Variants in ZMYM2 observed in about 807,000 individuals in gnomAD.
The protein encoded by ZMYM2 is zinc finger MYM-type protein 2.
Under a neutral mutation model 162.8 loss-of-function variants are expected in ZMYM2, and 56 were observed. The ratio of observed to expected loss-of-function variants is 0.34; its 90% confidence interval spans 0.28 to 0.43. The LOEUF (loss-of-function observed/expected upper bound fraction) is 0.43, where lower values mean the gene tolerates loss of function less well. Ranked by LOEUF, ZMYM2 falls within the 20% of genes least tolerant of loss-of-function variation. The pLI, the probability that ZMYM2 is intolerant of heterozygous loss-of-function variation, is 1.00. For missense variants in ZMYM2, 1,275 were observed against 1,621.8 expected, an observed-to-expected ratio of 0.79 and a Z score of 3.67; for synonymous variants, 510 against 541.6, an observed-to-expected ratio of 0.94 and a Z score of 0.81.
chr13:19,954,484 G>A (rs1218471679), upstream of ZMYM2, among the ~76,000 whole-genome samples: 1 of 152,088 alleles, frequency 6.6e-6, no homozygotes, highest in African/African-American at 2.4e-5. Flanking sequence ...GCTATCTAGA[G>A]AGGCTGTATA....
intron 3 of ZMYM2, among the ~76,000 whole-genome samples, chr13:19,998,673 G>C (rs553264977): frequency 1.3e-5 from 2 of 152,218 alleles, no homozygotes; most frequent in African/African-American, 4.8e-5. Context: ...AATAAGTTTG[G>C]TGTGTTCTTG....
chr13:19,874,771 C>G, the ZMYM2 span, among the ~76,000 whole-genome samples: 1 of 152,048 alleles, frequency 6.6e-6, no homozygotes, highest in African/African-American at 2.4e-5. Context: ...ATTATTAAGC[C>G]TACTACAGCT....
the ZMYM2 span, among the ~76,000 whole-genome samples, chr13:19,877,270 T>C: frequency 0.11 from 16,157 of 151,344 alleles, 989 homozygotes; most frequent in Middle Eastern, 0.15. Flanking sequence ...AGCTGAGAAG[T>C]TGAAGGGGCA....
the ZMYM2 span, among the ~76,000 whole-genome samples, chr13:19,942,292 G>A: frequency 1 from 151,674 of 151,868 alleles, 75,741 homozygotes; most frequent in Middle Eastern, 1. Flanking sequence ...TTTAATTTTA[G>A]TATGTATTTA....
At chr13:19,941,100 G>C in the ZMYM2 span, among the ~76,000 whole-genome samples, 1 of 152,164 alleles carries the variant, frequency 6.6e-6, no homozygotes, top group East Asian at 1.9e-4. Flanking sequence ...CTTGAGGCCA[G>C]GAGTTCAAGA....
chr13:20,047,649 C>CT (rs1246984339), intron 12 of ZMYM2, among the ~76,000 whole-genome samples: 1 of 152,028 alleles, frequency 6.6e-6, no homozygotes. Flanking sequence ...ATAACTTCTA[C>CT]TTTTTTGTTT....
At chr13:19,864,297 A>G in the ZMYM2 span, 3 of 155,016 alleles carry the variant, frequency 1.9e-5, no homozygotes, top group African/African-American at 7.2e-5. Flanking sequence ...ACCTCCCGCC[A>G]TGGCTGCAGC....
rs536324315 is a variant in ZMYM2, at chr13:20,069,920, G to A, written c.3453+2530G>A. Among the ~76,000 whole-genome samples, 14 of 151,890 alleles carry A rather than the reference G, an allele frequency of 9.2e-5. 1 individual carries two copies. In the South Asian group the frequency reaches 2.7e-3, roughly 29 times the overall value. On this transcript the variant is annotated intron_variant, in intron 21 of 24. Transcript: ENST00000610343. The stretch of plus-strand genomic sequence containing the variant: ...TGGTATCTCAAAATCCTTTACAAAA[G>A]GAGATAGCTTCATAAGATCTAGTCA...
the ZMYM2 span, among the ~76,000 whole-genome samples, chr13:19,902,571 G>A: frequency 4.0e-4 from 61 of 152,110 alleles, no homozygotes; most frequent in Non-Finnish European, 2.9e-4. Flanking sequence ...AGCCGAGATC[G>A]TGCCATTGCA....
the ZMYM2 span, among the ~76,000 whole-genome samples, chr13:19,878,010 T>C: frequency 1.3e-5 from 2 of 152,102 alleles, no homozygotes; most frequent in Non-Finnish European, 2.9e-5. Flanking sequence ...TGCACAAGGG[T>C]TCCAATTTCT....
At chr13:19,975,581 T>C (rs1433001468) in intron 2 of ZMYM2, among the ~76,000 whole-genome samples, 5 of 152,256 alleles carry the variant, frequency 3.3e-5, no homozygotes, top group Non-Finnish European at 7.3e-5. Context: ...TGTTGGACAC[T>C]TAGGTTGTTT....
Position 20,063,547 on chromosome 13 carries a change from G to A in ZMYM2, c.3037+576G>A, listed in dbSNP as rs904540874. ...TGTAATCCCAGCACTTTGGGAGGCC[G>A]AGGTGGGTGGATCACCTGAGGTCAG... On this transcript the variant is annotated intron_variant, in intron 18 of 24. Coordinates refer to ENST00000610343, the MANE Select transcript of ZMYM2 (RefSeq NM_197968.4). Among the ~76,000 whole-genome samples, 13 of 151,272 alleles carry A rather than the reference G, an allele frequency of 8.6e-5. No homozygotes were observed. The East Asian group carries it at 1.8e-3, about 20-fold the overall frequency.
intron 2 of ZMYM2, among the ~76,000 whole-genome samples, chr13:19,976,700 A>T (rs1429561529): frequency 2.0e-5 from 3 of 152,202 alleles, no homozygotes; most frequent in African/African-American, 7.2e-5. Flanking sequence ...AGGTAGCATG[A>T]TGTCCTCATG....
At chr13:19,901,078 A>G in the ZMYM2 span, among the ~76,000 whole-genome samples, 4 of 152,158 alleles carry the variant, frequency 2.6e-5, no homozygotes, top group Non-Finnish European at 4.4e-5. Context: ...AGAGACAGAA[A>G]GCAGGTGGCA....
the ZMYM2 span, among the ~76,000 whole-genome samples, chr13:19,904,086 G>A: frequency 6.6e-6 from 1 of 151,956 alleles, no homozygotes; most frequent in Non-Finnish European, 1.5e-5. Flanking sequence ...CCATTAAAAA[G>A]GCTGATCCAT....
At chr13:19,988,767 CAG>C (rs1305738405) in intron 2 of ZMYM2, among the ~76,000 whole-genome samples, 1 of 151,954 alleles carries the variant, frequency 6.6e-6, no homozygotes, top group Non-Finnish European at 1.5e-5. Context: ...GCCTGGGTGA[CAG>C]AGACTCCATC....
chr13:20,026,845 C>T, intron 8 of ZMYM2, 83 bp downstream of exon 8: 3 of 1,384,994 alleles, frequency 2.2e-6, no homozygotes, highest in East Asian at 2.6e-5. Flanking sequence ...TGTTTTTATG[C>T]TTGTTTTTAA....
intron 2 of ZMYM2, among the ~76,000 whole-genome samples, chr13:19,985,414 A>T (rs546075241): frequency 1.3e-5 from 2 of 152,142 alleles, no homozygotes; most frequent in African/African-American, 2.4e-5. Context: ...GTGAGCTACC[A>T]TGCCTGGCCC....
the ZMYM2 span, among the ~76,000 whole-genome samples, chr13:19,883,751 T>C: frequency 1.3e-5 from 2 of 151,124 alleles, no homozygotes; most frequent in Non-Finnish European, 3.0e-5. Context: ...ATTCTCATGG[T>C]ATATATATAT....
Sources: gnomAD v4.1 joint callset for allele counts (sites outside exome capture counted in the v4.1 genomes callset) on GRCh38, gnomAD v4.1.1 for gene constraint, MANE v1.5 for transcripts, NCBI Gene and HGNC (gene_info 2026-07-23, HGNC 2026-07-21) for gene names.